SRL: variants seen among roughly 807,000 people sequenced by gnomAD.
SRL encodes sarcalumenin.
In SRL, 23 loss-of-function variants were observed where a neutral mutation model predicts 39.5. That is an observed-to-expected ratio of 0.58 (90% CI 0.42 to 0.82). SRL has a LOEUF of 0.82. SRL is among the 40% of genes least tolerant of loss of function. The pLI, the probability that SRL is intolerant of heterozygous loss-of-function variation, is 0.00. For missense variants in SRL, 592 were observed against 607.8 expected (o/e 0.97, Z 0.27); for synonymous variants, 272 against 237.4 (o/e 1.15, Z -1.34).
intron 1 of SRL, among the ~76,000 whole-genome samples, chr16:4,216,497 C>G (rs2052461767): frequency 6.6e-6 from 1 of 152,168 alleles, no homozygotes; most frequent in Non-Finnish European, 1.5e-5. Context: ...GTCTCAAACT[C>G]TGGACCTCAA....
chr16:4,198,024 T>A, intron 3 of SRL, 109 bp from the exon 4 acceptor site: 1 of 775,746 alleles, frequency 1.3e-6, no homozygotes, highest in Non-Finnish European at 2.3e-6. Flanking sequence ...AGTTGTGGAA[T>A]TCTCCATGAA....
chr16:4,223,683 C>T (rs568325630), intron 1 of SRL, among the ~76,000 whole-genome samples: 15 of 152,056 alleles, frequency 9.9e-5, no homozygotes, highest in Non-Finnish European at 1.5e-4. Context: ...CCACCACATC[C>T]GGCAAGGAAT....
At chr16:4,222,820 G>A (rs562252839) in intron 1 of SRL, among the ~76,000 whole-genome samples, 29 of 152,310 alleles carry the variant, frequency 1.9e-4, no homozygotes, top group Admixed American at 3.3e-4. Context: ...CTGGCGAGAT[G>A]CGGTGGCTCA....
At chr16:4,202,216 A>G (rs538334837) in intron 3 of SRL, among the ~76,000 whole-genome samples, 1 of 152,238 alleles carries the variant, frequency 6.6e-6, no homozygotes, top group South Asian at 2.1e-4. Context: ...AAAAAACAAC[A>G]TCCATCTATG....
intron 1 of SRL, among the ~76,000 whole-genome samples, chr16:4,214,449 A>G (rs2052430495): frequency 6.6e-6 from 1 of 152,102 alleles, no homozygotes; most frequent in Non-Finnish European, 1.5e-5. Context: ...CACTCTCCAA[A>G]TCTCTGCCTG....
chr16:4,199,097 C>T (rs151263406), intron 3 of SRL, among the ~76,000 whole-genome samples: 3 of 152,270 alleles, frequency 2.0e-5, no homozygotes, highest in East Asian at 1.9e-4. Flanking sequence ...TCTCCAGACT[C>T]GTCTCCCTGA....
intron 1 of SRL, among the ~76,000 whole-genome samples, chr16:4,209,508 C>T (rs1313230083): frequency 1.3e-5 from 2 of 152,154 alleles, no homozygotes; most frequent in South Asian, 2.1e-4. Context: ...TCTCTCAGGC[C>T]ACCACTTGCT....
chr16:4,197,257 A>G (rs1216551359), intron 4 of SRL, among the ~76,000 whole-genome samples: 1 of 150,228 alleles, frequency 6.7e-6, no homozygotes, highest in Non-Finnish European at 1.5e-5. Context: ...TTTAGTAGAG[A>G]CGGGGTTTCA....
intron 2 of SRL, among the ~76,000 whole-genome samples, 165 bp downstream of exon 2, chr16:4,204,368 G>A (rs1473687748): frequency 6.7e-6 from 1 of 149,844 alleles, no homozygotes; most frequent in South Asian, 2.1e-4. Context: ...CACCTTCAGG[G>A]CTCTCCTCTT....
intron 1 of SRL, among the ~76,000 whole-genome samples, chr16:4,239,411 A>G (rs1423486853): frequency 6.6e-6 from 1 of 152,216 alleles, no homozygotes; most frequent in Non-Finnish European, 1.5e-5. Context: ...CAGATCCCCA[A>G]TCTCCGTATC....
In SRL at chr16:4,190,118, C is replaced by T. The variant is rs2052043578; in HGVS notation, c.*2035G>A. ...AACATTGTCCTGAGTGCCCTGGAAC[C>T]TCGGGTGTTCTTGTGGAAGGGTCCA... is the stretch of plus-strand genomic sequence containing the variant. On this transcript the variant is annotated 3_prime_UTR_variant, in exon 6 of 6. Transcript: ENST00000399609. 2.5e-6 allele frequency: 1 copy of T among 397,178 alleles called. No individual in the cohort carries two copies. The highest frequency in any genetic ancestry group is 4.4e-6 in the Non-Finnish European group (1 of 225,846). The allele number at this position is 397,178 out of a possible 1,614,324, so 24.6% of individuals were successfully genotyped here. A position where few individuals can be genotyped will look rare whatever the true frequency, so the allele number is the denominator to read the frequency against.
chr16:4,235,686 G>A (rs951205213), intron 1 of SRL, among the ~76,000 whole-genome samples: 1 of 152,138 alleles, frequency 6.6e-6, no homozygotes, highest in African/African-American at 2.4e-5. Context: ...GGGAGACTAA[G>A]TGAGACCTTA....
chr16:4,225,117 G>T (rs2052572766), intron 1 of SRL, among the ~76,000 whole-genome samples: 2 of 151,872 alleles, frequency 1.3e-5, no homozygotes, highest in Non-Finnish European at 2.9e-5. Flanking sequence ...GAGAACTGGG[G>T]AGTGTGTGCT....
chr16:4,209,768 G>A (rs1441508136), intron 1 of SRL, among the ~76,000 whole-genome samples: 1 of 152,148 alleles, frequency 6.6e-6, no homozygotes, highest in Non-Finnish European at 1.5e-5. Flanking sequence ...CATATGCATG[G>A]CCATTTAACC....
chr16:4,220,909 C>G (rs2052521902), intron 1 of SRL, among the ~76,000 whole-genome samples: 1 of 152,036 alleles, frequency 6.6e-6, no homozygotes, highest in Non-Finnish European at 1.5e-5. Flanking sequence ...TCGCTTGAGC[C>G]CAGGAGTTCT....
At chr16:4,207,672 G>A (rs554096250) in intron 1 of SRL, 16 of 427,596 alleles carry the variant, frequency 3.7e-5, no homozygotes, top group East Asian at 1.4e-4. Flanking sequence ...AGTTCCCTCC[G>A]TGGGGAGCCC....
intron 1 of SRL, among the ~76,000 whole-genome samples, chr16:4,216,035 CAA>C (rs555368988): frequency 2.1e-5 from 3 of 141,834 alleles, no homozygotes; most frequent in Non-Finnish European, 1.5e-5. Context: ...GACCCTGTCT[CAA>C]AAAAAAAAAG....
intron 1 of SRL, among the ~76,000 whole-genome samples, chr16:4,234,812 C>T (rs1397862332): frequency 1.3e-5 from 2 of 152,232 alleles, no homozygotes; most frequent in African/African-American, 2.4e-5. Flanking sequence ...AGAGAAACCC[C>T]TGCTATGTAG....
intron 1 of SRL, among the ~76,000 whole-genome samples, chr16:4,223,971 C>T (rs1184903868): frequency 6.6e-6 from 1 of 152,144 alleles, no homozygotes; most frequent in Non-Finnish European, 1.5e-5. Context: ...TGGCCCTGCT[C>T]CCTGCCCGAT....
Sources: gnomAD v4.1 joint callset for allele counts (sites outside exome capture counted in the v4.1 genomes callset) on GRCh38, gnomAD v4.1.1 for gene constraint, MANE v1.5 for transcripts, NCBI Gene and HGNC (gene_info 2026-07-23, HGNC 2026-07-21) for gene names.